AVEN: variants seen among roughly 807,000 people sequenced by gnomAD.
AVEN encodes the protein apoptosis and caspase activation inhibitor.
AVEN carries 41 observed loss-of-function variants against 38.1 expected under a neutral mutation model. The ratio of observed to expected loss-of-function variants is 1.08; its 90% CI spans 0.84 to 1.40. The LOEUF (loss-of-function observed/expected upper bound fraction) is 1.40, where lower values mean the gene tolerates loss of function less well. Ranked by LOEUF, AVEN falls within the 40% of genes most tolerant of loss-of-function variation. The pLI is 0.00. For missense variants in AVEN, 605 were observed against 438.8 expected, an observed-to-expected ratio of 1.38 and a Z score of -3.38; for synonymous variants, 206 against 171.8, an observed-to-expected ratio of 1.20 and a Z score of -1.56.
At chr15:33,945,748 G>A (rs763276192) in intron 2 of AVEN, among the ~76,000 whole-genome samples, 2 of 152,054 alleles carry the variant, frequency 1.3e-5, no homozygotes, top group Non-Finnish European at 2.9e-5. Context: ...ACCACGCCTG[G>A]CTAATTTTTT....
chr15:34,001,963 C>T (rs1457121752), intron 2 of AVEN, among the ~76,000 whole-genome samples: 1 of 152,150 alleles, frequency 6.6e-6, no homozygotes, highest in African/African-American at 2.4e-5. Context: ...ACATCTGCAT[C>T]CTTTATATCT....
chr15:33,949,785 A>G (rs1197531997), intron 2 of AVEN, among the ~76,000 whole-genome samples: 1 of 152,244 alleles, frequency 6.6e-6, no homozygotes, highest in Non-Finnish European at 1.5e-5. Flanking sequence ...TAATTGGTAC[A>G]GCTATTATGG....
intron 5 of AVEN, among the ~76,000 whole-genome samples, chr15:34,044,802 G>A (rs554862175): frequency 1.3e-5 from 2 of 152,186 alleles, no homozygotes; most frequent in South Asian, 4.1e-4. Context: ...TGTAATCCCA[G>A]CACTTTGGGA....
chr15:33,877,489 G>A (rs1193389441), intron 2 of AVEN, among the ~76,000 whole-genome samples: 1 of 152,160 alleles, frequency 6.6e-6, no homozygotes, highest in Admixed American at 6.5e-5. Flanking sequence ...AAAAATAAAT[G>A]GCTCTCTAAT....
intron 11 of AVEN, chr15:33,860,540 C>T (rs1215163525): frequency 4.8e-6 from 5 of 1,042,256 alleles, no homozygotes; most frequent in Non-Finnish European, 5.5e-6. Flanking sequence ...CTTTATCATT[C>T]CTCTACCCCT....
chr15:33,866,767 T>G, intron 5 of AVEN, 39 bp from the exon 6 acceptor site: 1 of 1,437,306 alleles, frequency 7.0e-7, no homozygotes. Flanking sequence ...CTCAGATGAG[T>G]CCTAAAATTG....
intron 1 of AVEN, among the ~76,000 whole-genome samples, chr15:34,021,858 A>C (rs1597361439): frequency 6.6e-6 from 1 of 152,138 alleles, no homozygotes; most frequent in East Asian, 1.9e-4. Context: ...TCCATCTCAA[A>C]AATAAAAATA....
chr15:34,063,244 G>A lies in AVEN; in HGVS notation n.1315C>T, dbSNP rs773544114. 11 of 1,613,998 alleles carry A rather than the reference G, an allele frequency of 6.8e-6. No homozygotes were observed. Among genetic ancestry groups the A allele is most frequent in the East Asian group, 2.2e-5 (1 of 44,886 alleles). ...TGCTGGCAGTACTTGGTTGGGAAGC[G>A]GACAGTTCCACTGGATGAGTGCCAG... On this transcript the variant is annotated non_coding_transcript_exon_variant, in exon 5 of 12. Transcript: ENST00000675287. The surrounding 1 kb of genome is among the most constrained non-coding windows in gnomAD (Gnocchi z 4.1).
At chr15:33,861,317 C>A (rs1888116523), downstream of AVEN, 1 of 584,282 alleles carries the variant, frequency 1.7e-6, no homozygotes, top group East Asian at 3.1e-5. Context: ...TACCTTTGTC[C>A]ATAGACTCTG....
intron 2 of AVEN, among the ~76,000 whole-genome samples, chr15:33,902,568 C>T (rs1332393855): frequency 1.3e-5 from 2 of 152,154 alleles, no homozygotes; most frequent in Non-Finnish European, 2.9e-5. Flanking sequence ...ACTGGAAATA[C>T]TAGCAAAGGC....
downstream of AVEN, chr15:33,865,314 A>G: frequency 1.1e-6 from 1 of 879,494 alleles, no homozygotes; most frequent in African/African-American, 1.7e-5. Context: ...CATATCTGAA[A>G]TGTGACATTT....
intron 11 of AVEN, chr15:33,861,122 A>C (rs913668008): frequency 1.9e-6 from 3 of 1,598,138 alleles, no homozygotes; most frequent in Non-Finnish European, 2.6e-6. Context: ...ACTTTGACAC[A>C]ACCCCTCATG....
At chr15:33,989,171 A>G (rs1156651501) in intron 2 of AVEN, among the ~76,000 whole-genome samples, 1 of 152,172 alleles carries the variant, frequency 6.6e-6, no homozygotes, top group Non-Finnish European at 1.5e-5. Context: ...AGCTAAATAA[A>G]AGAGAAGATG....
rs148035145 is a variant in AVEN at position 33,983,215 on chromosome 15, C to CATATAT, written c.445+19811_445+19816dup. ...GTATGTGTGTGTATATATATATATA[C>CATATAT]ATATATATACACACACATACACACA... On this transcript the variant is annotated intron_variant, in intron 2 of 5. Coordinates refer to ENST00000306730, the MANE Select transcript of AVEN (RefSeq NM_020371.3). Among the ~76,000 whole-genome samples, 31 of 111,816 alleles carry CATATAT rather than the reference C, an allele frequency of 2.8e-4. No homozygotes were observed. In the South Asian group the frequency reaches 2.8e-3, roughly 10 times the overall value. 73.4% of individuals were successfully genotyped at this position (111,816 alleles called of 152,430 possible). A position where few individuals can be genotyped will look rare whatever the true frequency, so the allele number is the denominator to read the frequency against.
chr15:33,896,895 T>G (rs915964193), intron 2 of AVEN, among the ~76,000 whole-genome samples: 1 of 152,208 alleles, frequency 6.6e-6, no homozygotes, highest in South Asian at 2.1e-4. Flanking sequence ...AAGGTAGATA[T>G]TGTGCCCACC....
At chr15:33,872,867 C>T (rs536016605) in intron 3 of AVEN, among the ~76,000 whole-genome samples, 2 of 152,174 alleles carry the variant, frequency 1.3e-5, no homozygotes, top group South Asian at 4.1e-4. Context: ...AAGAGACCGA[C>T]ACCCCTGTGG....
At chr15:33,863,157 A>C (rs1889091881), downstream of AVEN, among the ~76,000 whole-genome samples, 1 of 152,078 alleles carries the variant, frequency 6.6e-6, no homozygotes, top group African/African-American at 2.4e-5. Flanking sequence ...TCTAGGAGCA[A>C]GCTTGAGGGG....
chr15:34,038,100 C>T (rs1899237299), intron 1 of AVEN, among the ~76,000 whole-genome samples: 1 of 152,146 alleles, frequency 6.6e-6, no homozygotes, highest in African/African-American at 2.4e-5. Flanking sequence ...GCTATTAAAA[C>T]TCAGAACTTG....
At chr15:33,978,534 G>T (rs1222187615) in intron 2 of AVEN, among the ~76,000 whole-genome samples, 1 of 152,004 alleles carries the variant, frequency 6.6e-6, no homozygotes, top group Non-Finnish European at 1.5e-5. Context: ...ATGGTGGCAG[G>T]CACCTATAAT....
Sources: gnomAD v4.1 joint callset for allele counts (sites outside exome capture counted in the v4.1 genomes callset) on GRCh38, gnomAD v4.1.1 for gene constraint, Gnocchi (gnomAD v3.1) non-coding constraint, MANE v1.5 for transcripts, NCBI Gene and HGNC (gene_info 2026-07-23, HGNC 2026-07-21) for gene names.